The following NEBL variants were observed in gnomAD, a reference collection of about 807,000 sequenced individuals.
NEBL encodes the protein LIM and SH3 protein 2.
In NEBL, 122 loss-of-function variants were observed where a neutral mutation model predicts 140.2. That is an observed-to-expected ratio of 0.87 (90% CI 0.75 to 1.01). NEBL has a LOEUF of 1.01. Ranked by LOEUF, NEBL falls within the 50% of genes least tolerant of loss-of-function variation. The probability of loss-of-function intolerance (pLI) is 0.00; values close to 1 mark genes in which losing one functional copy is unlikely to be tolerated. For missense variants in NEBL, 1,365 were observed against 1,231.3 expected (o/e 1.11, Z -1.62); for synonymous variants, 436 against 398.9 (o/e 1.09, Z -1.11).
intron 24 of NEBL, among the ~76,000 whole-genome samples, chr10:20,810,796 T>C (rs1838065209): frequency 6.6e-6 from 1 of 152,330 alleles, no homozygotes; most frequent in African/African-American, 2.4e-5. Flanking sequence ...ATTTGTAAAA[T>C]GGAACTGGAA....
intron 11 of NEBL, among the ~76,000 whole-genome samples, chr10:20,849,141 C>T (rs541447039): frequency 6.6e-6 from 1 of 152,156 alleles, no homozygotes; most frequent in African/African-American, 2.4e-5. Flanking sequence ...CCCAGCTGCA[C>T]CCACAAAACT....
In NEBL at chr10:20,787,316, T is replaced by A. The variant is rs1588590385; in HGVS notation, c.2762-8A>T. ...CTCCGGGAAGAACAGGTGCTGCATG[T>A]TAAACATACACACACACAAAGATTC... On this transcript the variant is annotated splice_region_variant and splice_polypyrimidine_tract_variant and intron_variant, in intron 26 of 27. Coordinates refer to ENST00000377122, the MANE Select transcript of NEBL (RefSeq NM_006393.3). The A allele has an allele frequency of 3.1e-6, 5 of 1,599,970 alleles. No homozygotes were observed. In the South Asian group the frequency reaches 5.6e-5, roughly 18 times the overall value.
At chr10:20,990,625 C>A (rs60905445) in intron 3 of NEBL, among the ~76,000 whole-genome samples, 21,915 of 152,042 alleles carry the variant, frequency 0.14, 3,041 homozygotes, top group East Asian at 0.38. Flanking sequence ...TTGTAACAAC[C>A]CAAACTAAGA....
At chr10:21,048,612 C>T (rs1834627402) in intron 2 of NEBL, among the ~76,000 whole-genome samples, 1 of 152,034 alleles carries the variant, frequency 6.6e-6, no homozygotes, top group South Asian at 2.1e-4. Context: ...AAATTCATTT[C>T]AAGGAATTGG....
chr10:20,836,837 G>A (rs1002462380), intron 13 of NEBL, among the ~76,000 whole-genome samples: 1 of 152,022 alleles, frequency 6.6e-6, no homozygotes, highest in African/African-American at 2.4e-5. Context: ...AATTTTCATG[G>A]CCATGGGACA....
At chr10:20,816,973 G>C (rs1167094855) in intron 21 of NEBL, among the ~76,000 whole-genome samples, 1 of 152,138 alleles carries the variant, frequency 6.6e-6, no homozygotes, top group African/African-American at 2.4e-5. Flanking sequence ...AGAAAAGGGA[G>C]GGAAAATGTT....
chr10:21,224,399 C>T (rs1179188744), intron 3 of NEBL, among the ~76,000 whole-genome samples: 3 of 152,136 alleles, frequency 2.0e-5, no homozygotes, highest in Admixed American at 1.3e-4. Flanking sequence ...CAGTGCCATG[C>T]TGTTTTGATT....
chr10:21,272,118 ATTTTTTTTT>A (rs10678454), intron 1 of NEBL, among the ~76,000 whole-genome samples: 2 of 79,100 alleles, frequency 2.5e-5, no homozygotes, highest in East Asian at 3.1e-4. Flanking sequence ...CACTTGGTTA[ATTTTTTTTT>A]TTTTTTTTTT....
At chr10:21,271,067 G>A (rs1842854758) in intron 1 of NEBL, among the ~76,000 whole-genome samples, 1 of 152,130 alleles carries the variant, frequency 6.6e-6, no homozygotes, top group Admixed American at 6.6e-5. Flanking sequence ...GTTCACTGAA[G>A]CATTATTCAC....
intron 3 of NEBL, among the ~76,000 whole-genome samples, chr10:21,195,416 A>C (rs181423507): frequency 3.2e-4 from 49 of 152,370 alleles, no homozygotes; most frequent in African/African-American, 1.2e-3. Flanking sequence ...CCTAAACATC[A>C]CAACATATCC....
chr10:20,819,984 T>C (rs1313663652), intron 19 of NEBL, among the ~76,000 whole-genome samples: 1 of 152,182 alleles, frequency 6.6e-6, no homozygotes, highest in African/African-American at 2.4e-5. Flanking sequence ...TCAGTAATAA[T>C]GAATAATCCC....
chr10:20,993,705 A>C (rs1837558430), intron 3 of NEBL, among the ~76,000 whole-genome samples: 1 of 152,202 alleles, frequency 6.6e-6, no homozygotes, highest in Non-Finnish European at 1.5e-5. Context: ...CATGACCAAC[A>C]CCAATGGGGC....
intron 1 of NEBL, among the ~76,000 whole-genome samples, chr10:21,260,754 A>C (rs988554620): frequency 6.6e-6 from 1 of 152,160 alleles, no homozygotes; most frequent in Non-Finnish European, 1.5e-5. Context: ...AAGAGAAAAA[A>C]TGTTGCCCCT....
At chr10:20,795,526 A>T (rs552932236) in intron 26 of NEBL, among the ~76,000 whole-genome samples, 1 of 151,756 alleles carries the variant, frequency 6.6e-6, no homozygotes, top group Non-Finnish European at 1.5e-5. Context: ...TTAGCATCTG[A>T]CAAGTCTCTG....
At chr10:21,120,390 ATACATATATATATATATAT>A (rs1221824049) in intron 2 of NEBL, among the ~76,000 whole-genome samples, 1 of 99,518 alleles carries the variant, frequency 1.0e-5, no homozygotes, top group Admixed American at 9.7e-5. Flanking sequence ...AAAAAAAAAA[ATACATATATATATATATAT>A]ATATATATAT....
intron 4 of NEBL, among the ~76,000 whole-genome samples, chr10:20,948,540 T>C (rs186728236): frequency 3.3e-5 from 5 of 152,246 alleles, no homozygotes; most frequent in African/African-American, 1.2e-4. Flanking sequence ...ATGGAAGTGT[T>C]TACAATAAAG....
rs879137183 is a variant in NEBL, at chr10:20,781,986, A to G, written c.*3761T>C. The G allele has an allele frequency of 6.6e-6, 1 of 152,630 alleles. No homozygotes were observed. Among genetic ancestry groups the G allele is most frequent in the Non-Finnish European group, 1.5e-5 (1 of 68,034 alleles). The allele number at this position is 152,630 out of a possible 1,614,324, so 9.5% of individuals were successfully genotyped here. A position where few individuals can be genotyped will look rare whatever the true frequency, so the allele number is the denominator to read the frequency against. ...CTTGTGTAGTGAATCCAGCCTCACA[A>G]TTATTCTATCTTACAATAGGCATTT... On this transcript the variant is annotated 3_prime_UTR_variant, in exon 28 of 28. Transcript: ENST00000377122.
intron 25 of NEBL, 54 bp downstream of exon 25, chr10:20,809,752 T>C (rs915473258): frequency 2.9e-5 from 39 of 1,356,664 alleles, no homozygotes; most frequent in Non-Finnish European, 3.8e-5. Context: ...TTCACAGTGG[T>C]TCACTTTTGG....
At chr10:20,812,136 A>C (rs931566156) in intron 24 of NEBL, among the ~76,000 whole-genome samples, 1 of 152,166 alleles carries the variant, frequency 6.6e-6, no homozygotes, top group Non-Finnish European at 1.5e-5. Context: ...TGTTTTTGAT[A>C]AAAGGACCTA....
Sources: allele counts gnomAD v4.1 joint callset (sites outside exome capture counted in the v4.1 genomes callset), GRCh38; gene constraint gnomAD v4.1.1; transcripts MANE v1.5; gene names NCBI Gene and HGNC (gene_info 2026-07-23, HGNC 2026-07-21).